The following NDUFAF2 variants were observed in gnomAD, a reference collection of about 807,000 sequenced individuals.
NDUFAF2 encodes NADH dehydrogenase [ubiquinone] 1 alpha subcomplex assembly factor 2.
Under a neutral mutation model 22.8 loss-of-function variants are expected in NDUFAF2, and 13 were observed. The observed-to-expected ratio is 0.57, with a 90% CI of 0.37 to 0.91. NDUFAF2 has a LOEUF of 0.91. Among genes scored for constraint, NDUFAF2 ranks in the 40% least tolerant of loss-of-function variants. The pLI is 0.01. For synonymous variants in NDUFAF2, 53 were observed against 64.2 expected, an observed-to-expected ratio of 0.83 and a Z score of 0.84; for missense variants, 162 against 195.2, an observed-to-expected ratio of 0.83 and a Z score of 1.01.
intron 1 of NDUFAF2, among the ~76,000 whole-genome samples, chr5:61,035,346 G>A (rs567065857): frequency 5.9e-4 from 89 of 150,706 alleles, no homozygotes; most frequent in African/African-American, 2.1e-3. Context: ...GATTACAGGC[G>A]TGAGCCACTG....
chr5:61,009,542 A>G (rs530192236), intron 1 of NDUFAF2, among the ~76,000 whole-genome samples: 1 of 152,274 alleles, frequency 6.6e-6, no homozygotes, highest in Non-Finnish European at 1.5e-5. Flanking sequence ...TTACTTTTTA[A>G]ATTTCAAGAT....
At position 61,107,046 on chromosome 5, in the gene NDUFAF2, TACACACACACACACACACAC is replaced by T. The variant is rs59521177; in HGVS notation, c.258+8040_258+8059del. ...TGATTTCCTTTCCTTTGGATAAATA[TACACACACACACACACACAC>T]ACACACACACACACACACACACACA... On this transcript the variant is annotated intron_variant, in intron 3 of 3. Coordinates refer to ENST00000296597, the MANE Select transcript of NDUFAF2 (RefSeq NM_174889.5). Among the ~76,000 whole-genome samples the T allele has an allele frequency of 7.4e-4, 92 of 124,018 alleles. 3 individuals carry two copies. Among genetic ancestry groups the T allele is most frequent in the African/African-American group, 2.8e-3 (89 of 31,520 alleles). The allele number at this position is 124,018 out of a possible 152,430, so 81.4% of individuals were successfully genotyped here. A position where few individuals can be genotyped will look rare whatever the true frequency, so the allele number is the denominator to read the frequency against.
intron 1 of NDUFAF2, among the ~76,000 whole-genome samples, chr5:60,994,437 A>G (rs534556259): frequency 2.6e-5 from 4 of 152,266 alleles, no homozygotes; most frequent in South Asian, 4.1e-4. Flanking sequence ...CGCTCCACCA[A>G]CGTGGAAAGA....
chr5:61,020,071 G>GT (rs1459991000), intron 1 of NDUFAF2, among the ~76,000 whole-genome samples: 3 of 151,924 alleles, frequency 2.0e-5, no homozygotes, highest in Admixed American at 6.6e-5. Flanking sequence ...AAATTATACT[G>GT]TTTAAGTTTT....
chr5:60,963,562 A>G (rs1188452151), intron 1 of NDUFAF2, among the ~76,000 whole-genome samples: 2 of 152,208 alleles, frequency 1.3e-5, no homozygotes, highest in Non-Finnish European at 2.9e-5. Context: ...TCTAGATTGT[A>G]GCAGGTATTC....
intron 1 of NDUFAF2, among the ~76,000 whole-genome samples, chr5:61,056,542 T>C (rs1752093234): frequency 6.6e-6 from 1 of 152,084 alleles, no homozygotes; most frequent in Admixed American, 6.6e-5. Flanking sequence ...TTGTTAGTTA[T>C]TAGCCAGGGT....
At chr5:61,020,509 T>C (rs1274076128) in intron 1 of NDUFAF2, among the ~76,000 whole-genome samples, 1 of 151,946 alleles carries the variant, frequency 6.6e-6, no homozygotes, top group Non-Finnish European at 1.5e-5. Flanking sequence ...TCTGTCTTCT[T>C]TGACCCATGA....
At chr5:61,122,690 T>C (rs1174955343) in intron 3 of NDUFAF2, among the ~76,000 whole-genome samples, 1 of 152,210 alleles carries the variant, frequency 6.6e-6, no homozygotes, top group Non-Finnish European at 1.5e-5. Flanking sequence ...TTTTTTAAAC[T>C]ACTTTCTTCT....
At chr5:61,101,004 T>C (rs1752698853) in intron 3 of NDUFAF2, among the ~76,000 whole-genome samples, 1 of 152,164 alleles carries the variant, frequency 6.6e-6, no homozygotes, top group South Asian at 2.1e-4. Flanking sequence ...CATACTAGTA[T>C]CCCTGCCTCA....
chr5:60,967,350 G>A (rs530575461), intron 1 of NDUFAF2, among the ~76,000 whole-genome samples: 1 of 151,808 alleles, frequency 6.6e-6, no homozygotes, highest in Admixed American at 6.6e-5. Flanking sequence ...TTGCTTAATT[G>A]CTCTTGCTAG....
At chr5:61,061,649 G>A (rs1752166913) in intron 1 of NDUFAF2, among the ~76,000 whole-genome samples, 1 of 152,178 alleles carries the variant, frequency 6.6e-6, no homozygotes, top group African/African-American at 2.4e-5. Flanking sequence ...ACCTTTGAGA[G>A]TGAACCTATA....
At chr5:61,006,024 T>C (rs1453255052) in intron 1 of NDUFAF2, among the ~76,000 whole-genome samples, 9 of 152,232 alleles carry the variant, frequency 5.9e-5, no homozygotes, top group Admixed American at 1.3e-4. Context: ...CCCATACCTA[T>C]GTCCTGAATG....
intron 2 of NDUFAF2, among the ~76,000 whole-genome samples, chr5:61,079,456 G>GAGT (rs1401262173): frequency 2.6e-5 from 4 of 152,140 alleles, no homozygotes; most frequent in African/African-American, 9.7e-5. Context: ...TTAAAACGCT[G>GAGT]AGTTCATAAC....
At chr5:61,031,442 G>C (rs1207886768) in intron 1 of NDUFAF2, among the ~76,000 whole-genome samples, 1 of 152,060 alleles carries the variant, frequency 6.6e-6, no homozygotes, top group Non-Finnish European at 1.5e-5. Flanking sequence ...TGCTGAGAAT[G>C]ATGGTTTCCA....
At chr5:61,029,553 T>C (rs1433951214) in intron 1 of NDUFAF2, among the ~76,000 whole-genome samples, 6 of 152,190 alleles carry the variant, frequency 3.9e-5, no homozygotes. Context: ...CTGCATTTTT[T>C]TTCCTGGCTC....
At chr5:61,141,610 G>T (rs543599008) in intron 3 of NDUFAF2, among the ~76,000 whole-genome samples, 1 of 152,052 alleles carries the variant, frequency 6.6e-6, no homozygotes, top group Non-Finnish European at 1.5e-5. Context: ...ATAGGAACTA[G>T]GTTTTAATCT....
chr5:60,951,898 T>G (rs1271127435), intron 1 of NDUFAF2, among the ~76,000 whole-genome samples: 1 of 151,998 alleles, frequency 6.6e-6, no homozygotes, highest in African/African-American at 2.4e-5. Flanking sequence ...TTAATATCTT[T>G]GGCAGGTATA....
At chr5:61,080,508 C>T (rs1484477448) in intron 2 of NDUFAF2, among the ~76,000 whole-genome samples, 1 of 152,146 alleles carries the variant, frequency 6.6e-6, no homozygotes. Context: ...TCATCTTCTC[C>T]AGCCATTGCT....
chr5:60,981,312 A>C (rs911694933), intron 1 of NDUFAF2, among the ~76,000 whole-genome samples: 1 of 152,192 alleles, frequency 6.6e-6, no homozygotes, highest in Non-Finnish European at 1.5e-5. Flanking sequence ...GAAAAAATAC[A>C]TATATTAGAA....
Sources: allele counts gnomAD v4.1 joint callset (sites outside exome capture counted in the v4.1 genomes callset), GRCh38; gene constraint gnomAD v4.1.1; transcripts MANE v1.5; gene names NCBI Gene and HGNC (gene_info 2026-07-23, HGNC 2026-07-21).